The following ARHGAP31 variants were observed in gnomAD, a reference collection of about 807,000 sequenced individuals.
The protein encoded by ARHGAP31 is Rho GTPase activating protein 31.
Under a neutral mutation model 113.9 loss-of-function variants are expected in ARHGAP31, and 34 were observed. That is an observed-to-expected ratio of 0.30 (90% CI 0.23 to 0.40). The LOEUF (loss-of-function observed/expected upper bound fraction) is 0.40, where lower values mean the gene tolerates loss of function less well. ARHGAP31 is among the 10% of genes least tolerant of loss of function. ARHGAP31 has a pLI of 1.00. For synonymous variants in ARHGAP31, 650 were observed against 684.8 expected (o/e 0.95, Z 0.79); for missense variants, 1,548 against 1,767.1 (o/e 0.88, Z 2.22).
intron 6 of ARHGAP31, 54 bp from the exon 7 acceptor site, chr3:119,390,731 T>A (rs2080496054): frequency 6.4e-7 from 1 of 1,558,882 alleles, no homozygotes; most frequent in East Asian, 2.2e-5. Flanking sequence ...GGAATCTGGA[T>A]GGATGTGATG....
chr3:119,380,852 G>C (rs1559985855), intron 3 of ARHGAP31, 52 bp from the exon 4 acceptor site: 1 of 1,493,736 alleles, frequency 6.7e-7, no homozygotes, highest in Admixed American at 1.7e-5. Context: ...CATGCAGATG[G>C]CTGTCCCTGC....
At chr3:119,401,667 A>G (rs549424785) in intron 9 of ARHGAP31, among the ~76,000 whole-genome samples, 155 bp from the exon 10 acceptor site, 1 of 152,298 alleles carries the variant, frequency 6.6e-6, no homozygotes, top group East Asian at 1.9e-4. Flanking sequence ...CTCTTTTGTC[A>G]TCCAGATGTT....
intron 1 of ARHGAP31, 148 bp downstream of exon 1, chr3:119,295,152 T>A (rs1576980074): frequency 3.2e-5 from 22 of 696,038 alleles, no homozygotes; most frequent in Non-Finnish European, 4.6e-5. Context: ...TTTTTTTTTT[T>A]AAAGAACATA....
Position 119,294,821 on chromosome 3 carries a change from T to C in ARHGAP31, c.-84T>C, listed in dbSNP as rs909886430. On this transcript the variant is annotated 5_prime_UTR_variant, in exon 1 of 12. It removes the in-frame stop codon of an upstream open reading frame in the 5' UTR. Transcript: ENST00000264245. ...CCCCCCAGAGCCGCGGGGCAGCCGG[T>C]GATCTAGCCCGGGAGCCCATCTTAC... 1 of 1,293,422 alleles carries C rather than the reference T, an allele frequency of 7.7e-7. No homozygotes were observed. Among genetic ancestry groups the C allele is most frequent in the African/African-American group, 1.5e-5 (1 of 68,462 alleles). The allele number at this position is 1,293,422 out of a possible 1,614,324, so 80.1% of individuals were successfully genotyped here.
rs923950725 is a variant in ARHGAP31 at position 119,418,316 on chromosome 3, A to G, written c.*2052A>G. 6.6e-6 allele frequency: 1 copy of G among 152,210 alleles called. No homozygotes were observed. The highest frequency in any genetic ancestry group is 6.5e-5 in the Admixed American group (1 of 15,280). The allele number at this position is 152,210 out of a possible 1,614,324, so 9.4% of individuals were successfully genotyped here. On this transcript the variant is annotated 3_prime_UTR_variant, in exon 12 of 12. Coordinates refer to ENST00000264245, the MANE Select transcript of ARHGAP31 (RefSeq NM_020754.4). ...ATATAGTATTTTTCCCCAGGCCAGC[A>G]AAGTGAAGAAATACAGTGGTGACAG...
rs750811419 is a variant in ARHGAP31 at position 119,414,746 on chromosome 3, G to A, written c.2817G>A (p.Leu939=). ...TACAGGGCCTTCAGGGTCACCAGTT[G>A]GAGAAGAGGCTTTCCCACAGGCCCA... The part of the protein sequence containing the change: ...AQVQGLQGHQ[L]EKRLSHRPSL... Residue 939 remains leucine (L), a synonymous_variant, in exon 12 of 12, where the codon TTG becomes TTA. Coordinates refer to ENST00000264245, the MANE Select transcript of ARHGAP31 (RefSeq NM_020754.4). 2 of 1,614,082 alleles carry A rather than the reference G, an allele frequency of 1.2e-6. No homozygotes were observed. Among genetic ancestry groups the A allele is most frequent in the African/African-American group, 2.7e-5 (2 of 74,922 alleles).
intron 11 of ARHGAP31, among the ~76,000 whole-genome samples, chr3:119,410,955 C>T (rs2080710618): frequency 6.6e-6 from 1 of 152,068 alleles, no homozygotes; most frequent in Non-Finnish European, 1.5e-5. Flanking sequence ...CCACAAGGGT[C>T]GGGGAAAGCT....
At chr3:119,384,918 T>A (rs1290320340) in intron 6 of ARHGAP31, among the ~76,000 whole-genome samples, 1 of 151,174 alleles carries the variant, frequency 6.6e-6, no homozygotes, top group Non-Finnish European at 1.5e-5. Context: ...CCATATATGG[T>A]CTTTGGTGAC....
rs151320066 is a variant in ARHGAP31, at chr3:119,338,059, G to A, written c.101-27257G>A. On this transcript the variant is annotated intron_variant, in intron 1 of 11. Coordinates refer to ENST00000264245, the MANE Select transcript of ARHGAP31 (RefSeq NM_020754.4). ...ACACTGTATTGACATTTTGAGGGAC[G>A]GTGAGTTTTAATAATATGTATGCGA... Among the ~76,000 whole-genome samples the A allele has an allele frequency of 2.6e-3, 399 of 152,246 alleles. 1 individual carries two copies. Among genetic ancestry groups the A allele is most frequent in the South Asian group, 9.3e-3 (45 of 4,822 alleles).
chr3:119,332,619 TCTCTCTCTCTCTCTCTCACACACACACA>T (rs1296378803), intron 1 of ARHGAP31, among the ~76,000 whole-genome samples: 3 of 115,528 alleles, frequency 2.6e-5, no homozygotes, highest in Admixed American at 1.1e-4. Context: ...TCTCTCTCTC[TCTCTCTCTCTCTCTCTCACACACACACA>T]CACACACACA....
At chr3:119,369,126 G>A (rs2080274664) in intron 3 of ARHGAP31, among the ~76,000 whole-genome samples, 1 of 152,214 alleles carries the variant, frequency 6.6e-6, no homozygotes, top group African/African-American at 2.4e-5. Flanking sequence ...TCACCAAATA[G>A]GGCACACCCA....
chr3:119,294,500 CCT>C lies in ARHGAP31; in HGVS notation c.-403_-402del, dbSNP rs2079514417. 4.4e-6 allele frequency: 2 copies of C among 454,478 alleles called. No homozygotes were observed. The highest frequency in any genetic ancestry group is 3.8e-6 in the Non-Finnish European group (1 of 264,066). 28.2% of individuals were successfully genotyped at this position (454,478 alleles called of 1,614,324 possible). On this transcript the variant is annotated 5_prime_UTR_variant, in exon 1 of 12. Transcript: ENST00000264245. ...CCCACCGCAGCCCCCTGGGCAGTCT[CCT>C]CGCCCCGCGTCCGCGTCGTCTCCGG...
At chr3:119,317,240 GCGAT>G (rs1576990657) in intron 1 of ARHGAP31, among the ~76,000 whole-genome samples, 1 of 151,362 alleles carries the variant, frequency 6.6e-6, no homozygotes, top group East Asian at 1.9e-4. Context: ...GTGCAGTGGC[GCGAT>G]CTCAGCTCAC....
Position 119,414,183 on chromosome 3 carries a change from C to G in ARHGAP31, c.2254C>G (p.Leu752Val), listed in dbSNP as rs751198282. 1.2e-6 allele frequency: 2 copies of G among 1,614,176 alleles called. No homozygotes were observed. The highest frequency in any genetic ancestry group is 2.2e-5 in the South Asian group (2 of 91,084). ...GGGCCTGCACCCAGACCTCGCCAGC[C>G]TGGCTCCTCTGGAAATAGTTCCTTT... ...EQGLHPDLASLAPLEIVPFEK... is the reference protein window; with the variant it reads ...EQGLHPDLASVAPLEIVPFEK... Residue 752 changes from leucine (L) to valine (V), a missense_variant, in exon 12 of 12, where the codon CTG becomes GTG. Transcript: ENST00000264245.
intron 1 of ARHGAP31, among the ~76,000 whole-genome samples, chr3:119,319,682 A>C (rs1321189219): frequency 6.6e-6 from 1 of 152,182 alleles, no homozygotes; most frequent in Non-Finnish European, 1.5e-5. Context: ...TAATTTTAAA[A>C]GTCTAAAAAG....
intron 10 of ARHGAP31, among the ~76,000 whole-genome samples, chr3:119,408,698 C>G (rs919336318): frequency 1.3e-5 from 2 of 152,260 alleles, no homozygotes; most frequent in South Asian, 4.1e-4. Flanking sequence ...TGCTATGTGC[C>G]GAGCACAGTC....
intron 6 of ARHGAP31, among the ~76,000 whole-genome samples, chr3:119,386,836 AGAG>A (rs1315407486): frequency 6.6e-6 from 1 of 152,232 alleles, no homozygotes; most frequent in Non-Finnish European, 1.5e-5. Context: ...CAGCTGAGAC[AGAG>A]AAGGAGAGGA....
chr3:119,396,926 A>G (rs1243460175), intron 8 of ARHGAP31, among the ~76,000 whole-genome samples: 1 of 152,206 alleles, frequency 6.6e-6, no homozygotes, highest in East Asian at 1.9e-4. Context: ...AGTTTTTTGT[A>G]CATTATTAAA....
intron 6 of ARHGAP31, among the ~76,000 whole-genome samples, chr3:119,388,547 C>G (rs574556101): frequency 1.3e-5 from 2 of 151,884 alleles, no homozygotes; most frequent in African/African-American, 4.8e-5. Flanking sequence ...GCGGGGAGAC[C>G]AGTTAAGAAG....
Sources: gnomAD v4.1 joint callset for allele counts (sites outside exome capture counted in the v4.1 genomes callset) on GRCh38, gnomAD v4.1.1 for gene constraint, MANE v1.5 for transcripts, NCBI Gene and HGNC (gene_info 2026-07-23, HGNC 2026-07-21) for gene names.